The following BCAM variants were observed in gnomAD, a reference collection of about 807,000 sequenced individuals.
BCAM encodes basal cell adhesion molecule.
A neutral mutation model predicts 72.4 loss-of-function variants in BCAM; 61 were observed. The ratio of observed to expected loss-of-function variants is 0.84; its 90% CI spans 0.69 to 1.04. The LOEUF (loss-of-function observed/expected upper bound fraction) is 1.04, where lower values mean the gene tolerates loss of function less well. Ranked by LOEUF, BCAM falls within the 50% of genes least tolerant of loss-of-function variation. The probability of loss-of-function intolerance (pLI) is 0.00; values close to 1 mark genes in which losing one functional copy is unlikely to be tolerated. For synonymous variants in BCAM, 408 were observed against 384.2 expected, an observed-to-expected ratio of 1.06 and a Z score of -0.73; for missense variants, 909 against 895.0, an observed-to-expected ratio of 1.02 and a Z score of -0.20.
rs775268013 is a variant in BCAM at position 44,819,735 on chromosome 19, C to A, written c.1763+9C>A. On this transcript the variant is annotated intron_variant, in intron 13 of 14. Transcript: ENST00000270233. ...CGGGAGAAGGGGGCTCCGTGAGTGG[C>A]CTGCTATCTGCAATGACCACCATAG... The A allele has an allele frequency of 5.0e-6, 8 of 1,590,632 alleles. No individual in the cohort carries two copies. In the African/African-American group the frequency reaches 1.1e-4, roughly 22 times the overall value.
chr19:44,818,611 C>A lies in BCAM; in HGVS notation c.1168C>A (p.Pro390Thr), dbSNP rs1174012165. 1.9e-6 allele frequency: 3 copies of A among 1,613,914 alleles called. No homozygotes were observed. The highest frequency in any genetic ancestry group is 1.7e-6 in the Non-Finnish European group (2 of 1,179,880). Reference sequence around the variant, plus strand: ...CGTGAACTGCTCCGTGCACGGCCTGCCCACCCCTGCCCTACGCTGGACCAA... The same window carrying A: ...CGTGAACTGCTCCGTGCACGGCCTGACCACCCCTGCCCTACGCTGGACCAA... ...AVVNCSVHGL[P>T]TPALRWTKDS... is the part of the protein sequence containing the mutation. Residue 390 changes from proline to threonine, a missense_variant, in exon 9 of 15, where the codon CCC becomes ACC. Transcript: ENST00000270233. This position sits in a 1 kb window ranked among gnomAD's most constrained non-coding sequence, Gnocchi z 4.6.
Position 44,812,169 on chromosome 19 carries a change from C to G in BCAM, c.211C>G (p.Arg71Gly), listed in dbSNP as rs772793118. ...HYMLEWFLTD[R>G]SGARPRLASA... ...GCCTGCCCCGCGCCCACAGACCGAC[C>G]GCTCGGGAGCTCGCCCCCGCCTAGC... is the stretch of plus-strand genomic sequence containing the variant. The change falls in exon 3 of 15, where the codon CGC becomes GGC. Residue 71 changes from arginine to glycine, a missense_variant. Coordinates refer to ENST00000270233, the MANE Select transcript of BCAM (RefSeq NM_005581.5). The surrounding 1 kb of genome is among the most constrained non-coding windows in gnomAD (Gnocchi z 5.3). 2 of 1,600,130 alleles carry G rather than the reference C, an allele frequency of 1.2e-6. No homozygotes were observed. The highest frequency in any genetic ancestry group is 1.7e-6 in the Non-Finnish European group (2 of 1,176,930).
Position 44,820,734 on chromosome 19 carries a change from C to G in BCAM, c.1793C>G (p.Ser598Trp), listed in dbSNP as rs866563709. The G allele has an allele frequency of 2.7e-5, 39 of 1,448,314 alleles. No individual in the cohort carries two copies. Among genetic ancestry groups the G allele is most frequent in the Non-Finnish European group, 3.6e-5 (39 of 1,093,612 alleles). The allele number at this position is 1,448,314 out of a possible 1,614,324, so 89.7% of individuals were successfully genotyped here. A position where few individuals can be genotyped will look rare whatever the true frequency, so the allele number is the denominator to read the frequency against. Residue 598 changes from serine to tryptophan, a missense_variant, in exon 14 of 15, where the codon TCG becomes TGG. Physicochemically the swap from Ser to Trp is radical, Grantham distance 177. Coordinates refer to ENST00000270233, the MANE Select transcript of BCAM (RefSeq NM_005581.5). ...CCAGGGGAGCCAGGGCTGAGCCACT[C>G]GGGGTCGGAGCAACCAGAGCAGACC... is the stretch of plus-strand genomic sequence containing the variant. ...PPPGEPGLSHSGSEQPEQTGL... is the reference protein window; with the variant it reads ...PPPGEPGLSHWGSEQPEQTGL...
chr19:44,816,116 G>A (rs1035869858), intron 8 of BCAM, among the ~76,000 whole-genome samples: 5 of 152,106 alleles, frequency 3.3e-5, no homozygotes, highest in African/African-American at 1.2e-4. Context: ...TCAGGAGTTA[G>A]AGACCAGCCT....
Position 44,818,756 on chromosome 19 carries a change from G to A in BCAM, c.1210G>A (p.Gly404Ser). Residue 404 changes from glycine (G) to serine (S), a missense_variant, in exon 10 of 15, where the codon GGC (glycine) becomes AGC (serine). Gly to Ser is a moderately conservative substitution (Grantham distance 56). Coordinates refer to ENST00000270233, the MANE Select transcript of BCAM (RefSeq NM_005581.5). This position sits in a 1 kb window ranked among gnomAD's most constrained non-coding sequence, Gnocchi z 4.6. ...CCCTTCCCAGGACTCCACTCCCCTG[G>A]GCGATGGCCCCATGCTGTCGCTCAG... is the stretch of plus-strand genomic sequence containing the variant. ...LRWTKDSTPL[G>S]DGPMLSLSSI... The A allele has an allele frequency of 6.2e-7, 1 of 1,614,022 alleles. No homozygotes were observed. Among genetic ancestry groups the A allele is most frequent in the Admixed American group, 1.7e-5 (1 of 59,994 alleles).
In BCAM at chr19:44,820,977, C is replaced by A; in HGVS notation, c.*56C>A. 6.6e-7 allele frequency: 1 copy of A among 1,508,030 alleles called. No homozygotes were observed. Among genetic ancestry groups the A allele is most frequent in the South Asian group, 1.3e-5 (1 of 77,670 alleles). 93.4% of individuals were successfully genotyped at this position (1,508,030 alleles called of 1,614,324 possible). ...CCTGGAGCTGCAGGCATCAGAGAACCAGCCCTGCTCACGCCATGCCCGCCC... is the reference window on the plus strand; with the variant it reads ...CCTGGAGCTGCAGGCATCAGAGAACAAGCCCTGCTCACGCCATGCCCGCCC... On this transcript the variant is annotated 3_prime_UTR_variant, in exon 15 of 15. Transcript: ENST00000270233.
In BCAM at chr19:44,814,760, T is replaced by C. The variant is rs756894242; in HGVS notation, c.1078T>C (p.Tyr360His). The stretch of plus-strand genomic sequence containing the variant: ...CAAGACGCTGGAGCTGCGCGTGGCC[T>C]GTGAGAGCCCTGGGTGAACGGGCGG... The part of the protein sequence containing the change: ...LSKTLELRVA[Y>H]LDPLELSEGK... Residue 360 changes from tyrosine to histidine, a missense_variant and splice_region_variant, in exon 8 of 15, where the codon TAT (tyrosine) becomes CAT (histidine). Physicochemically the swap from Tyr to His is moderately conservative, Grantham distance 83 (BLOSUM62 2). Coordinates refer to ENST00000270233, the MANE Select transcript of BCAM (RefSeq NM_005581.5). This position sits in a 1 kb window ranked among gnomAD's most constrained non-coding sequence, Gnocchi z 4.6. 7.5e-6 allele frequency: 12 copies of C among 1,608,368 alleles called. No homozygotes were observed. The South Asian group carries it at 9.9e-5, about 13-fold the overall frequency.
Position 44,813,175 on chromosome 19 carries a change from G to A in BCAM, c.505-75G>A, listed in dbSNP as rs1968450199. 1.3e-6 allele frequency: 2 copies of A among 1,517,540 alleles called. No homozygotes were observed. The highest frequency in any genetic ancestry group is 2.3e-5 in the East Asian group (1 of 44,292). 94.0% of individuals were successfully genotyped at this position (1,517,540 alleles called of 1,614,324 possible). A position where few individuals can be genotyped will look rare whatever the true frequency, so the allele number is the denominator to read the frequency against. On this transcript the variant is annotated intron_variant, in intron 4 of 14. Coordinates refer to ENST00000270233, the MANE Select transcript of BCAM (RefSeq NM_005581.5). This position sits in a 1 kb window ranked among gnomAD's most constrained non-coding sequence, Gnocchi z 4.2. The stretch of plus-strand genomic sequence containing the variant: ...AGCCCGGCTCATGAGTCTGAGTGGG[G>A]AGAACTCCTGAGAGAGGAGCCCCGA...
In BCAM at chr19:44,813,384, G is replaced by A; in HGVS notation, c.601+38G>A. 1.2e-6 allele frequency: 2 copies of A among 1,609,882 alleles called. No homozygotes were observed. Among genetic ancestry groups the A allele is most frequent in the Non-Finnish European group, 1.7e-6 (2 of 1,177,774 alleles). Reference sequence around the variant, plus strand: ...GGAGCGCGGCGGGACGTGGGCTGGGGTGGGTGGCGGGGCTATGGCCTGGCT... The same window carrying A: ...GGAGCGCGGCGGGACGTGGGCTGGGATGGGTGGCGGGGCTATGGCCTGGCT... On this transcript the variant is annotated intron_variant, in intron 5 of 14. Coordinates refer to ENST00000270233, the MANE Select transcript of BCAM (RefSeq NM_005581.5). The surrounding 1 kb of genome is among the most constrained non-coding windows in gnomAD (Gnocchi z 4.2).
chr19:44,810,937 G>T (rs538838203), intron 1 of BCAM, among the ~76,000 whole-genome samples: 355 of 151,908 alleles, frequency 2.3e-3, no homozygotes, highest in Admixed American at 3.9e-3. Context: ...GGGTCTGAGG[G>T]AGGAGGGGCT....
chr19:44,821,041 C>T lies in BCAM; in HGVS notation c.*120C>T. 7.7e-7 allele frequency: 1 copy of T among 1,297,436 alleles called. No homozygotes were observed. Among genetic ancestry groups the T allele is most frequent in the South Asian group, 1.9e-5 (1 of 53,528 alleles). The allele number at this position is 1,297,436 out of a possible 1,614,324, so 80.4% of individuals were successfully genotyped here. A position where few individuals can be genotyped will look rare whatever the true frequency, so the allele number is the denominator to read the frequency against. On this transcript the variant is annotated 3_prime_UTR_variant, in exon 15 of 15. Transcript: ENST00000270233. ...TCCCTCTTCCCTCTCCCTGCCCAGC[C>T]CTCCCTTCCTTCCTCTGCCGGCAAG...
In BCAM at chr19:44,820,825, GGGTGAGGGCCTGGGCCCCCT is replaced by G. The variant is rs765950438; in HGVS notation, c.1881+10_1881+29del. The stretch of plus-strand genomic sequence containing the variant: ...GCAGCGGGGGCTTCGGAGACGAGGT[GGGTGAGGGCCTGGGCCCCCT>G]GGTGAGAGGGACCTGCTGGGCAGTG... On this transcript the variant is annotated splice_donor_5th_base_variant and intron_variant, in intron 14 of 14. Transcript: ENST00000270233. The G allele has an allele frequency of 1.2e-5, 18 of 1,515,090 alleles. No homozygotes were observed. In the South Asian group the frequency reaches 2.3e-4, roughly 19 times the overall value. 93.9% of individuals were successfully genotyped at this position (1,515,090 alleles called of 1,614,324 possible). A position where few individuals can be genotyped will look rare whatever the true frequency, so the allele number is the denominator to read the frequency against.
chr19:44,814,336 C>A lies in BCAM; in HGVS notation c.921+48C>A. The A allele has an allele frequency of 6.4e-7, 1 of 1,555,178 alleles. No homozygotes were observed. Among genetic ancestry groups the A allele is most frequent in the Admixed American group, 2.2e-5 (1 of 45,936 alleles). On this transcript the variant is annotated intron_variant, in intron 7 of 14. Coordinates refer to ENST00000270233, the MANE Select transcript of BCAM (RefSeq NM_005581.5). The surrounding 1 kb of genome is among the most constrained non-coding windows in gnomAD (Gnocchi z 4.6). ...TGGGATCCACCCCCCAGCCCCTGAC[C>A]TCTGTGACCTGCTAACCTGCATAAC... is the stretch of plus-strand genomic sequence containing the variant.
In BCAM at chr19:44,814,912, T is replaced by TG; in HGVS notation, c.1078+152_1078+153insG. 2 of 930,772 alleles carry TG rather than the reference T, an allele frequency of 2.1e-6. No individual in the cohort carries two copies. Among genetic ancestry groups the TG allele is most frequent in the Admixed American group, 3.6e-5 (1 of 27,910 alleles). 57.7% of individuals were successfully genotyped at this position (930,772 alleles called of 1,614,324 possible). A position where few individuals can be genotyped will look rare whatever the true frequency, so the allele number is the denominator to read the frequency against. On this transcript the variant is annotated intron_variant, in intron 8 of 14. Transcript: ENST00000270233. This position sits in a 1 kb window ranked among gnomAD's most constrained non-coding sequence, Gnocchi z 4.6. ...TTCTTGGGGGTTTTTTTGGTTGTTTTTTTTTTTTTTTTTTTCCCAGAGACA... is the reference window on the plus strand; with the variant it reads ...TTCTTGGGGGTTTTTTTGGTTGTTTTGTTTTTTTTTTTTTTTCCCAGAGACA...
rs1968460202 is a variant in BCAM at position 44,813,559 on chromosome 19, C to T, written c.723C>T (p.Tyr241=). 8 of 1,612,722 alleles carry T rather than the reference C, an allele frequency of 5.0e-6. No individual in the cohort carries two copies. Among genetic ancestry groups the T allele is most frequent in the Non-Finnish European group, 6.8e-6 (8 of 1,179,950 alleles). ...CCAGCTTCCACTGCGCCGCCCACTACAGCCTGCCCGAGGGCCGCCACGGCC... is the reference window on the plus strand; with the variant it reads ...CCAGCTTCCACTGCGCCGCCCACTATAGCCTGCCCGAGGGCCGCCACGGCC... ...RDASFHCAAH[Y]SLPEGRHGRL... is the part of the protein sequence containing the mutation. Residue 241 remains tyrosine (Y), a synonymous_variant, in exon 6 of 15, where the codon TAC becomes TAT. Transcript: ENST00000270233. This position sits in a 1 kb window ranked among gnomAD's most constrained non-coding sequence, Gnocchi z 4.2.
At chr19:44,810,975 G>A (rs1968410515) in intron 1 of BCAM, among the ~76,000 whole-genome samples, 1 of 151,258 alleles carries the variant, frequency 6.6e-6, no homozygotes, top group Non-Finnish European at 1.5e-5. Context: ...GTCTGAGGGA[G>A]GAGGGGCTGG....
At chr19:44,811,895 G>A (rs560574071) in intron 2 of BCAM, 1 of 532,578 alleles carries the variant, frequency 1.9e-6, no homozygotes, top group African/African-American at 2.0e-5. Flanking sequence ...AAAAAAAAGA[G>A]GAAAGAAAAT....
rs758800273 is a variant in BCAM at position 44,814,188 on chromosome 19, C to A, written c.821C>A (p.Pro274Gln). 1.9e-6 allele frequency: 3 copies of A among 1,581,722 alleles called. No individual in the cohort carries two copies. The South Asian group carries it at 3.4e-5, about 18-fold the overall frequency. Reference protein sequence around the residue: ...TEHVQFWVGSPSTPAGWVREG... With the variant: ...TEHVQFWVGSQSTPAGWVREG... ...CACGTGCAGTTCTGGGTGGGCAGCC[C>A]GTCCACCCCAGCAGGCTGGGTACGC... The change falls in exon 7 of 15, where the codon CCG (proline) becomes CAG (glutamine). Residue 274 changes from proline to glutamine, a missense_variant. Transcript: ENST00000270233. This position sits in a 1 kb window ranked among gnomAD's most constrained non-coding sequence, Gnocchi z 4.6.
chr19:44,813,594 G>A lies in BCAM; in HGVS notation c.758G>A (p.Ser253Asn). ...GAGGGCCGCCACGGCCGCCTGGACAGCCCCACCTTCCACCTCACCCTGCAC... is the reference window on the plus strand; with the variant it reads ...GAGGGCCGCCACGGCCGCCTGGACAACCCCACCTTCCACCTCACCCTGCAC... The part of the protein sequence containing the change: ...LPEGRHGRLD[S>N]PTFHLTLHYP... Residue 253 changes from serine (S) to asparagine (N), a missense_variant, in exon 6 of 15, where the codon AGC (serine) becomes AAC (asparagine). By Grantham distance (46) the Ser-to-Asn change is conservative. Coordinates refer to ENST00000270233, the MANE Select transcript of BCAM (RefSeq NM_005581.5). The surrounding 1 kb of genome is among the most constrained non-coding windows in gnomAD (Gnocchi z 4.2). 6.2e-7 allele frequency: 1 copy of A among 1,612,450 alleles called. No individual in the cohort carries two copies.
Sources: allele counts gnomAD v4.1 joint callset (sites outside exome capture counted in the v4.1 genomes callset), GRCh38; gene constraint gnomAD v4.1.1; non-coding constraint Gnocchi (gnomAD v3.1); transcripts MANE v1.5; gene names NCBI Gene and HGNC (gene_info 2026-07-23, HGNC 2026-07-21).